The following KIF27 variants were observed in gnomAD, a reference collection of about 807,000 sequenced individuals.
KIF27 encodes kinesin-like protein KIF27.
KIF27 carries 84 observed loss-of-function variants against 141.8 expected under a neutral mutation model. That is an observed-to-expected ratio of 0.59 (90% confidence interval 0.50 to 0.71). The LOEUF (loss-of-function observed/expected upper bound fraction) is 0.71. Ranked by LOEUF, KIF27 falls within the 30% of genes least tolerant of loss-of-function variation. The pLI, the probability that KIF27 is intolerant of heterozygous loss-of-function variation, is 0.00. For synonymous variants in KIF27, 471 were observed against 569.5 expected (o/e 0.83, Z 2.46); for missense variants, 1,306 against 1,628.4 (o/e 0.80, Z 3.41).
intron 13 of KIF27, among the ~76,000 whole-genome samples, chr9:83,866,727 C>T (rs370750203): frequency 6.6e-6 from 1 of 151,852 alleles, no homozygotes; most frequent in African/African-American, 2.4e-5. Flanking sequence ...AATACAAAAA[C>T]TAGCTGGGCA....
chr9:83,867,783 C>T lies in KIF27; in HGVS notation c.2835G>A (p.Leu945=), dbSNP rs1229078318. The T allele has an allele frequency of 1.2e-6, 2 of 1,613,394 alleles. No homozygotes were observed. Among genetic ancestry groups the T allele is most frequent in the African/African-American group, 1.3e-5 (1 of 74,852 alleles). Residue 945 remains leucine, a synonymous_variant, in exon 13 of 18, where the codon CTG becomes CTA. Coordinates refer to ENST00000297814, the MANE Select transcript of KIF27 (RefSeq NM_017576.4). ...CCTCCCGTTTCTTTAAGTCTGCTTC[C>T]AGCTCCTCTAATTCTTGGCGTTGGT... ...VLNQRQELEE[L]EADLKKREAI...
chr9:83,907,957 C>T (rs1269007586), intron 3 of KIF27, among the ~76,000 whole-genome samples: 2 of 152,126 alleles, frequency 1.3e-5, no homozygotes, highest in African/African-American at 2.4e-5. Context: ...ACTTTTTCAT[C>T]TGAGTGATTT....
At chr9:83,908,758 C>CA in intron 2 of KIF27, 106 bp from the exon 3 acceptor site, 16 of 461,586 alleles carry the variant, frequency 3.5e-5, no homozygotes, top group Non-Finnish European at 5.2e-5. Context: ...TATATTATAA[C>CA]TTTTTTTTTT....
intron 3 of KIF27, among the ~76,000 whole-genome samples, chr9:83,907,106 C>A (rs1244564770): frequency 6.6e-6 from 1 of 151,446 alleles, no homozygotes; most frequent in Non-Finnish European, 1.5e-5. Context: ...CTGGCTAACA[C>A]GGTGAAACCC....
Position 83,883,842 on chromosome 9 carries a change from T to G in KIF27, c.2416A>C (p.Lys806Gln), listed in dbSNP as rs759515743. Residue 806 changes from lysine to glutamine, a missense_variant, in exon 10 of 18, where the codon AAG becomes CAG. Physicochemically the swap from Lys to Gln is moderately conservative, Grantham distance 53. This residue lies in a region of KIF27 where 596 missense variants were observed against 751.6 expected (regional missense o/e 0.79). Coordinates refer to ENST00000297814, the MANE Select transcript of KIF27 (RefSeq NM_017576.4). ...KVKLQKEFRK[K>Q]MDAAKLRVQV... The stretch of plus-strand genomic sequence containing the variant: ...ACTCTCAGCTTTGCAGCATCCATCT[T>G]TTTACGAAACTCTTTCTGTAATTTT... 1 of 1,612,894 alleles carries G rather than the reference T, an allele frequency of 6.2e-7. No homozygotes were observed. The highest frequency in any genetic ancestry group is 1.1e-5 in the South Asian group (1 of 91,054).
At chr9:83,911,077 T>C (rs1301316700) in intron 2 of KIF27, among the ~76,000 whole-genome samples, 1 of 152,192 alleles carries the variant, frequency 6.6e-6, no homozygotes, top group African/African-American at 2.4e-5. Context: ...CTTTTCTTTT[T>C]CTTTTTTGAG....
intron 14 of KIF27, among the ~76,000 whole-genome samples, chr9:83,858,012 T>C (rs1169287577): frequency 6.7e-6 from 1 of 149,978 alleles, no homozygotes; most frequent in Non-Finnish European, 1.5e-5. Context: ...TAGAGCTTAG[T>C]AATAGTCACC....
At chr9:83,857,988 T>G (rs1312178408) in intron 14 of KIF27, among the ~76,000 whole-genome samples, 6 of 150,532 alleles carry the variant, frequency 4.0e-5, no homozygotes, top group Non-Finnish European at 7.4e-5. Context: ...TTTTTTTGCT[T>G]CTTCTATCTT....
chr9:83,875,549 T>G, intron 11 of KIF27, among the ~76,000 whole-genome samples: 1 of 152,064 alleles, frequency 6.6e-6, no homozygotes, highest in Non-Finnish European at 1.5e-5. Context: ...TATACTCACC[T>G]AGGATGGAGT....
rs1447732183 is a variant in KIF27 at position 83,915,686 on chromosome 9, A to T, written c.-87-8T>A. The stretch of plus-strand genomic sequence containing the variant: ...TATGTAAGATCTGGATTCCTGTGCA[A>T]CAAAAATAAAAAGCAAATTTTAATT... On this transcript the variant is annotated splice_region_variant and splice_polypyrimidine_tract_variant and intron_variant, in intron 1 of 17. Coordinates refer to ENST00000297814, the MANE Select transcript of KIF27 (RefSeq NM_017576.4). 2.3e-6 allele frequency: 3 copies of T among 1,305,042 alleles called. No homozygotes were observed. Among genetic ancestry groups the T allele is most frequent in the South Asian group, 3.1e-5 (2 of 64,622 alleles). 80.8% of individuals were successfully genotyped at this position (1,305,042 alleles called of 1,614,324 possible). A position where few individuals can be genotyped will look rare whatever the true frequency, so the allele number is the denominator to read the frequency against.
chr9:83,902,607 T>A (rs1340878755), intron 4 of KIF27, among the ~76,000 whole-genome samples: 1 of 152,200 alleles, frequency 6.6e-6, no homozygotes, highest in East Asian at 1.9e-4. Context: ...TATTTTTTTC[T>A]TTCAAGAACT....
chr9:83,860,908 G>T (rs1391757039), intron 13 of KIF27, among the ~76,000 whole-genome samples: 6 of 149,982 alleles, frequency 4.0e-5, no homozygotes, highest in African/African-American at 4.9e-5. Flanking sequence ...ACCTGAAAAT[G>T]CTTATTCTAG....
rs1044119437 is a variant in KIF27, at chr9:83,887,612, T to C, written c.2084-416A>G. ...TCAGAGTGTGGTCTAGCACTGTTTG[T>C]TACTGTCCTGCACCAGAATGTAAAT... On this transcript the variant is annotated intron_variant, in intron 8 of 17. Transcript: ENST00000297814. Among the ~76,000 whole-genome samples the C allele has an allele frequency of 3.9e-5, 6 of 152,230 alleles. No individual in the cohort carries two copies. In the South Asian group the frequency reaches 6.2e-4, roughly 16 times the overall value.
chr9:83,904,071 T>C (rs544262964), intron 3 of KIF27, 53 bp from the exon 4 acceptor site: 32 of 1,386,700 alleles, frequency 2.3e-5, no homozygotes, highest in Non-Finnish European at 2.9e-5. Context: ...AAACCTAGTA[T>C]AGTTAACAGT....
At chr9:83,840,141 A>G (rs375786968) in intron 17 of KIF27, among the ~76,000 whole-genome samples, 83 of 152,314 alleles carry the variant, frequency 5.4e-4, no homozygotes, top group East Asian at 2.7e-3. Context: ...TATAGTGTAA[A>G]CTATATCCCC....
intron 13 of KIF27, among the ~76,000 whole-genome samples, chr9:83,862,938 T>A (rs1320844430): frequency 1.3e-5 from 2 of 152,214 alleles, no homozygotes; most frequent in African/African-American, 4.8e-5. Context: ...TTTGAAGCAA[T>A]TGTGAATGGG....
intron 3 of KIF27, among the ~76,000 whole-genome samples, chr9:83,905,084 T>C (rs751115085): frequency 7.2e-5 from 11 of 152,062 alleles, no homozygotes; most frequent in Non-Finnish European, 1.5e-4. Flanking sequence ...AACCTACATT[T>C]ACTACCCGCA....
intron 17 of KIF27, among the ~76,000 whole-genome samples, chr9:83,840,333 T>A (rs1946416756): frequency 1.3e-5 from 2 of 152,088 alleles, no homozygotes; most frequent in African/African-American, 4.8e-5. Flanking sequence ...AATAGCAAAT[T>A]AGCTGAAATA....
intron 4 of KIF27, among the ~76,000 whole-genome samples, chr9:83,901,913 C>T (rs1953943913): frequency 6.6e-6 from 1 of 151,988 alleles, no homozygotes; most frequent in Admixed American, 6.6e-5. Context: ...ATTAAAAATG[C>T]CCTTTATATT....
Sources: allele counts gnomAD v4.1 joint callset (sites outside exome capture counted in the v4.1 genomes callset), GRCh38; gene constraint gnomAD v4.1.1; regional missense constraint gnomAD v4.1.1; transcripts MANE v1.5; gene names NCBI Gene and HGNC (gene_info 2026-07-23, HGNC 2026-07-21).